The following LIPE variants were observed in gnomAD, a reference collection of about 807,000 sequenced individuals.
LIPE encodes the protein hormone-sensitive lipase.
A neutral mutation model predicts 88.5 loss-of-function variants in LIPE; 66 were observed. The ratio of observed to expected loss-of-function variants is 0.75; its 90% CI spans 0.61 to 0.91. The LOEUF is 0.91. LIPE is among the 40% of genes least tolerant of loss of function. LIPE has a pLI of 0.00. For synonymous variants in LIPE, 570 were observed against 617.5 expected (o/e 0.92, Z 1.14); for missense variants, 1,346 against 1,434.7 (o/e 0.94, Z 1.00).
Position 42,402,103 on chromosome 19 carries a change from G to C in LIPE, c.2968-28C>G, listed in dbSNP as rs753032090. ...ACGGGACAGCGGGGAGGGACGTGGA[G>C]AGAGGGTGGGGGACAGACAGACCGG... On this transcript the variant is annotated intron_variant, in intron 9 of 9. Transcript: ENST00000244289. The C allele has an allele frequency of 1.0e-5, 15 of 1,450,874 alleles. No individual in the cohort carries two copies. The South Asian group carries it at 2.0e-4, about 19-fold the overall frequency. The allele number at this position is 1,450,874 out of a possible 1,614,324, so 89.9% of individuals were successfully genotyped here.
intron 1 of LIPE, chr19:42,412,396 C>T (rs35864976): frequency 3.1e-5 from 31 of 985,952 alleles, no homozygotes; most frequent in Non-Finnish European, 3.7e-5. Flanking sequence ...CTTCCCTGGG[C>T]TGGGACTGCT....
chr19:42,424,269 A>G (rs2040664200), intron 1 of LIPE: 1 of 504,598 alleles, frequency 2.0e-6, no homozygotes, highest in Non-Finnish European at 3.7e-6. Flanking sequence ...GGGCCGGCCC[A>G]AGAGCGGAGG....
rs1373737553 is a variant in LIPE, at chr19:42,405,495, C to T, written c.2432G>A (p.Arg811Gln). 8 of 1,614,000 alleles carry T rather than the reference C, an allele frequency of 5.0e-6. No homozygotes were observed. Among genetic ancestry groups the T allele is most frequent in the Admixed American group, 3.3e-5 (2 of 60,006 alleles). The change falls in exon 8 of 10, where the codon CGG becomes CAG. Residue 811 changes from arginine (R) to glutamine (Q), a missense_variant. Coordinates refer to ENST00000244289, the MANE Select transcript of LIPE (RefSeq NM_005357.4). The part of the protein sequence containing the change: ...KALGMMGLVR[R>Q]DTALLLRDFR... ...GTCTCGGAGGAGCAGGGCTGTGTCC[C>T]GCCGCACCAGCCCCATCATGCCGAG...
At position 42,406,419 on chromosome 19, in the gene LIPE, C is replaced by T. The variant is rs1000397774; in HGVS notation, c.2138-31G>A. 15 of 1,592,608 alleles carry T rather than the reference C, an allele frequency of 9.4e-6. No individual in the cohort carries two copies. The highest frequency in any genetic ancestry group is 1.3e-5 in the Non-Finnish European group (15 of 1,161,410). On this transcript the variant is annotated intron_variant, in intron 6 of 9. Coordinates refer to ENST00000244289, the MANE Select transcript of LIPE (RefSeq NM_005357.4). This position sits in a 1 kb window ranked among gnomAD's most constrained non-coding sequence, Gnocchi z 5.7. ...TTGGGAGAGGGGTGGTTGGTGACAA[C>T]CTGGCAGGGGCAGAGGCCTGGGGAG...
rs1338534766 is a variant in LIPE at position 42,403,126 on chromosome 19, C to T, written c.2543-95G>A. ...ATGGGAAGGGCAGTCGCCTGTGGAG[C>T]GCTGTGAAAGGCTGTGTTTCCCCAG... is the stretch of plus-strand genomic sequence containing the variant. On this transcript the variant is annotated intron_variant, in intron 8 of 9. Transcript: ENST00000244289. The T allele has an allele frequency of 9.5e-6, 12 of 1,264,636 alleles. No homozygotes were observed. In the African/African-American group the frequency reaches 1.2e-4, roughly 13 times the overall value. 78.3% of individuals were successfully genotyped at this position (1,264,636 alleles called of 1,614,324 possible). A position where few individuals can be genotyped will look rare whatever the true frequency, so the allele number is the denominator to read the frequency against.
chr19:42,410,246 G>T lies in LIPE; in HGVS notation c.1419+61C>A. The T allele has an allele frequency of 6.8e-7, 1 of 1,479,492 alleles. No individual in the cohort carries two copies. The allele number at this position is 1,479,492 out of a possible 1,614,324, so 91.6% of individuals were successfully genotyped here. On this transcript the variant is annotated intron_variant, in intron 2 of 9. Transcript: ENST00000244289. This position sits in a 1 kb window ranked among gnomAD's most constrained non-coding sequence, Gnocchi z 6.1. ...GGTTACTTTACCATACTATAGGCCAGGCCAGGGGCCACCAGGTGCCTTCAT... is the reference window on the plus strand; with the variant it reads ...GGTTACTTTACCATACTATAGGCCATGCCAGGGGCCACCAGGTGCCTTCAT...
Position 42,401,792 on chromosome 19 carries a change from C to A in LIPE, c.*20G>T. 1 of 1,452,030 alleles carries A rather than the reference C, an allele frequency of 6.9e-7. No individual in the cohort carries two copies. The allele number at this position is 1,452,030 out of a possible 1,614,324, so 89.9% of individuals were successfully genotyped here. On this transcript the variant is annotated 3_prime_UTR_variant, in exon 10 of 10. Coordinates refer to ENST00000244289, the MANE Select transcript of LIPE (RefSeq NM_005357.4). ...AAGGCATTCATGACGGAGGCCGGCG[C>A]AGATGGGAACAACAGGCTTTTAGTG... is the stretch of plus-strand genomic sequence containing the variant.
chr19:42,423,614 T>C, intron 1 of LIPE: 4 of 1,191,292 alleles, frequency 3.4e-6, no homozygotes, highest in Non-Finnish European at 4.2e-6. Flanking sequence ...CGCTACACAC[T>C]ACTGTCGGGC....
chr19:42,406,156 C>G lies in LIPE; in HGVS notation c.2365+5G>C, dbSNP rs1446367177. ...CTGTTTCCCTGCTGAGGGTGTGGGC[C>G]TCACCAGCATAGGCGCTGACACACT... On this transcript the variant is annotated splice_donor_5th_base_variant and intron_variant, in intron 7 of 9. Coordinates refer to ENST00000244289, the MANE Select transcript of LIPE (RefSeq NM_005357.4). This position sits in a 1 kb window ranked among gnomAD's most constrained non-coding sequence, Gnocchi z 5.7. 9 of 1,598,768 alleles carry G rather than the reference C, an allele frequency of 5.6e-6. No individual in the cohort carries two copies. Among genetic ancestry groups the G allele is most frequent in the Non-Finnish European group, 7.7e-6 (9 of 1,167,954 alleles).
intron 1 of LIPE, among the ~76,000 whole-genome samples, chr19:42,421,697 CCTTGGTCCCT>C (rs2040601620): frequency 6.6e-6 from 1 of 152,230 alleles, no homozygotes; most frequent in African/African-American, 2.4e-5. Flanking sequence ...GCCCAGGCGG[CCTTGGTCCCT>C]CAGAGCCCCA....
intron 9 of LIPE, 119 bp downstream of exon 9, chr19:42,402,488 G>T: frequency 1.1e-6 from 1 of 885,436 alleles, no homozygotes; most frequent in Non-Finnish European, 1.6e-6. Flanking sequence ...GGACACGCCT[G>T]TCCCTTTCTC....
intron 1 of LIPE, chr19:42,423,231 G>A (rs1371032066): frequency 1.2e-5 from 4 of 339,040 alleles, no homozygotes; most frequent in Non-Finnish European, 2.2e-5. Context: ...CTGTGCCAGG[G>A]TGGGCCTCTC....
intron 8 of LIPE, among the ~76,000 whole-genome samples, chr19:42,403,431 G>T (rs2147569015): frequency 6.6e-6 from 1 of 151,696 alleles, no homozygotes; most frequent in South Asian, 2.1e-4. Flanking sequence ...ACCCACTGGG[G>T]ATCATAATAT....
At chr19:42,422,614 C>G (rs1387737544) in intron 1 of LIPE, among the ~76,000 whole-genome samples, 2 of 152,280 alleles carry the variant, frequency 1.3e-5, no homozygotes, top group East Asian at 3.9e-4. Context: ...GAACCTCCCA[C>G]GGGTCCCCAT....
intron 1 of LIPE, among the ~76,000 whole-genome samples, chr19:42,420,105 G>T (rs1252580058): frequency 6.6e-6 from 1 of 151,748 alleles, no homozygotes; most frequent in Non-Finnish European, 1.5e-5. Flanking sequence ...AACCTATGAG[G>T]GAGAGACCAT....
intron 1 of LIPE, among the ~76,000 whole-genome samples, chr19:42,413,621 G>A (rs35266309): frequency 0.042 from 6,323 of 152,298 alleles, 406 homozygotes; most frequent in African/African-American, 0.14. Flanking sequence ...AGCCAAGATC[G>A]TGCCACTGCA....
chr19:42,410,578 C>G lies in LIPE; in HGVS notation c.1148G>C (p.Cys383Ser). 3 of 1,613,118 alleles carry G rather than the reference C, an allele frequency of 1.9e-6. No homozygotes were observed. The highest frequency in any genetic ancestry group is 2.5e-6 in the Non-Finnish European group (3 of 1,179,958). The change falls in exon 2 of 10, where the codon TGC becomes TCC. Residue 383 changes from cysteine to serine, a missense_variant. Physicochemically the swap from Cys to Ser is moderately radical, Grantham distance 112. Transcript: ENST00000244289. This position sits in a 1 kb window ranked among gnomAD's most constrained non-coding sequence, Gnocchi z 6.1. The part of the protein sequence containing the change: ...YRSLVHTARC[C>S]LAHLLHKSRY... ...GGATTTGTGCAGGAGGTGCGCCAGGCAGCAGCGGGCTGTGTGCACTAGGCT... is the reference window on the plus strand; with the variant it reads ...GGATTTGTGCAGGAGGTGCGCCAGGGAGCAGCGGGCTGTGTGCACTAGGCT...
rs146617137 is a variant in LIPE, at chr19:42,407,422, C to T, written c.1889G>A (p.Ser630Asn). 14 of 1,613,444 alleles carry T rather than the reference C, an allele frequency of 8.7e-6. No individual in the cohort carries two copies. The South Asian group carries it at 1.4e-4, about 16-fold the overall frequency. ...SSLIKSNGQR[S>N]LELWPRPQQA... ...CTGGGGGCGCGGCCACAGCTCCAGG[C>T]TCCGTTGGCCGTTGGACTTTATCAG... is the stretch of plus-strand genomic sequence containing the variant. Residue 630 changes from serine to asparagine, a missense_variant, in exon 6 of 10, where the codon AGC becomes AAC. By Grantham distance (46) the Ser-to-Asn change is conservative. Transcript: ENST00000244289. This position sits in a 1 kb window ranked among gnomAD's most constrained non-coding sequence, Gnocchi z 5.8.
chr19:42,407,599 A>G lies in LIPE; in HGVS notation c.1842+7T>C, dbSNP rs1353046240. ...GTCCCTGTCCCTGGCTGAGGCTGGA[A>G]CCCTACCTGTCCTTCACGCAGGTCA... On this transcript the variant is annotated splice_region_variant and intron_variant, in intron 5 of 9. Coordinates refer to ENST00000244289, the MANE Select transcript of LIPE (RefSeq NM_005357.4). The surrounding 1 kb of genome is among the most constrained non-coding windows in gnomAD (Gnocchi z 5.8). 6.2e-7 allele frequency: 1 copy of G among 1,601,340 alleles called. No homozygotes were observed. Among genetic ancestry groups the G allele is most frequent in the African/African-American group, 1.3e-5 (1 of 74,594 alleles).
Sources: gnomAD v4.1 joint callset for allele counts (sites outside exome capture counted in the v4.1 genomes callset) on GRCh38, gnomAD v4.1.1 for gene constraint, Gnocchi (gnomAD v3.1) non-coding constraint, MANE v1.5 for transcripts, NCBI Gene and HGNC (gene_info 2026-07-23, HGNC 2026-07-21) for gene names.